Variants in DNAH14 observed in about 807,000 individuals in gnomAD.
DNAH14 encodes dynein axonemal heavy chain 14.
DNAH14 carries 478 observed loss-of-function variants against 520.9 expected under a neutral mutation model. That is an observed-to-expected ratio of 0.92 (90% CI 0.85 to 0.99). The LOEUF is 0.99. Ranked by LOEUF, DNAH14 falls within the 50% of genes least tolerant of loss-of-function variation. The probability of loss-of-function intolerance (pLI) is 0.00; values close to 1 mark genes in which losing one functional copy is unlikely to be tolerated. For synonymous variants in DNAH14, 1,581 were observed against 1,757.2 expected (o/e 0.90, Z 2.51); for missense variants, 4,831 against 5,234.5 (o/e 0.92, Z 2.38).
At chr1:225,374,602 T>G in intron 77 of DNAH14, 86 bp from the exon 78 acceptor site, 1 of 1,179,260 alleles carries the variant, frequency 8.5e-7, no homozygotes, top group Non-Finnish European at 1.2e-6. Context: ...ATGTAGCTGT[T>G]TGAGAGTTGA....
At chr1:225,341,501 T>C (rs994007257) in intron 69 of DNAH14, among the ~76,000 whole-genome samples, 4 of 152,108 alleles carry the variant, frequency 2.6e-5, no homozygotes, top group Admixed American at 1.3e-4. Flanking sequence ...ACCCCGTCTC[T>C]ACTAAAAATA....
chr1:225,138,819 C>G (rs1409743079), intron 27 of DNAH14, among the ~76,000 whole-genome samples: 1 of 152,162 alleles, frequency 6.6e-6, no homozygotes, highest in Admixed American at 6.5e-5. Flanking sequence ...TCTCCTCACT[C>G]TCCTTGAATC....
intron 11 of DNAH14, among the ~76,000 whole-genome samples, chr1:225,027,886 T>C (rs905572458): frequency 5.3e-5 from 8 of 152,140 alleles, no homozygotes. Context: ...TTCTGTCTGT[T>C]GAGATGACCG....
Position 225,304,910 on chromosome 1 carries a change from C to T in DNAH14, c.8826C>T (p.Asn2942=), listed in dbSNP as rs767439163. ...TCTTAAAAATTATTATTCTTCAGAA[C>T]TTGAAAGAAAAACTTGCCCCAACAT... The part of the protein sequence containing the change: ...KEKVNFENRE[N]LKEKLAPTCV... The change falls in exon 58 of 86, where the codon AAC becomes AAT. Residue 2942 remains asparagine, a splice_region_variant and synonymous_variant. Transcript: ENST00000682510. 2 of 1,509,140 alleles carry T rather than the reference C, an allele frequency of 1.3e-6. No individual in the cohort carries two copies. Among genetic ancestry groups the T allele is most frequent in the Non-Finnish European group, 8.8e-7 (1 of 1,135,860 alleles). 93.5% of individuals were successfully genotyped at this position (1,509,140 alleles called of 1,614,324 possible). A position where few individuals can be genotyped will look rare whatever the true frequency, so the allele number is the denominator to read the frequency against.
intron 37 of DNAH14, among the ~76,000 whole-genome samples, chr1:225,191,879 A>G (rs560319587): frequency 5.5e-4 from 84 of 152,038 alleles, no homozygotes; most frequent in Admixed American, 9.9e-4. Context: ...TTTCAGCTCT[A>G]TAAACTCTAT....
intron 66 of DNAH14, among the ~76,000 whole-genome samples, chr1:225,335,939 A>G (rs1254618082): frequency 2.5e-5 from 3 of 122,046 alleles, no homozygotes; most frequent in Non-Finnish European, 5.7e-5. Flanking sequence ...ACCTATATAT[A>G]CATATATGTA....
intron 58 of DNAH14, among the ~76,000 whole-genome samples, chr1:225,305,831 C>G (rs925426957): frequency 6.6e-6 from 1 of 152,204 alleles, no homozygotes; most frequent in African/African-American, 2.4e-5. Flanking sequence ...TTAAAAATAG[C>G]CCACTCCATC....
chr1:225,364,830 G>T lies in DNAH14; in HGVS notation c.12026G>T (p.Arg4009Leu), dbSNP rs995324087. ...AACGTGACAATAGACCCTGAGTTTC[G>T]GCTATGGTTAAGCTCAAAATCATAC... ...SPNVTIDPEFRLWLSSKSYSS... is the reference protein window; with the variant it reads ...SPNVTIDPEFLLWLSSKSYSS... The change falls in exon 76 of 86, where the codon CGG becomes CTG. Residue 4009 changes from arginine to leucine, a missense_variant. Coordinates refer to ENST00000682510, the MANE Select transcript of DNAH14 (RefSeq NM_001367479.1). The T allele has an allele frequency of 1.3e-6, 2 of 1,548,086 alleles. No homozygotes were observed. Among genetic ancestry groups the T allele is most frequent in the Admixed American group, 2.0e-5 (1 of 50,812 alleles).
intron 71 of DNAH14, among the ~76,000 whole-genome samples, chr1:225,347,678 A>G (rs1173087671): frequency 6.6e-6 from 1 of 152,204 alleles, no homozygotes; most frequent in Non-Finnish European, 1.5e-5. Context: ...AGAAAAGGTT[A>G]AAAAGGTCTT....
In DNAH14 at chr1:225,335,445, ATG is replaced by A. The variant is rs1558429479; in HGVS notation, c.10081-1820_10081-1819del. On this transcript the variant is annotated intron_variant, in intron 66 of 85. Coordinates refer to ENST00000682510, the MANE Select transcript of DNAH14 (RefSeq NM_001367479.1). ...TATGCACGTGTGTACATGTGTGTGT[ATG>A]CACATATGCACGTGTGTACATGTGT... Among the ~76,000 whole-genome samples the A allele has an allele frequency of 2.5e-4, 27 of 108,184 alleles. 1 individual carries two copies. The highest frequency in any genetic ancestry group is 7.9e-4 in the African/African-American group (22 of 28,000). 71.0% of individuals were successfully genotyped at this position (108,184 alleles called of 152,430 possible).
At position 225,100,742 on chromosome 1, in the gene DNAH14, C is replaced by G; in HGVS notation, c.3725C>G (p.Ser1242Cys). Residue 1242 changes from serine (S) to cysteine (C), a missense_variant, in exon 23 of 86, where the codon TCT becomes TGT. By Grantham distance (112) the Ser-to-Cys change is moderately radical. Transcript: ENST00000682510. Reference sequence around the variant, plus strand: ...CTCCCAGCAGAAACAGAACTTTTCTCTCAAGTGATTTCCATGTGGAAAAAA... The same window carrying G: ...CTCCCAGCAGAAACAGAACTTTTCTGTCAAGTGATTTCCATGTGGAAAAAA... ...RQLPAETELF[S>C]QVISMWKKIM... The G allele has an allele frequency of 6.6e-7, 1 of 1,520,284 alleles. No individual in the cohort carries two copies. Among genetic ancestry groups the G allele is most frequent in the Non-Finnish European group, 8.8e-7 (1 of 1,137,642 alleles). The allele number at this position is 1,520,284 out of a possible 1,614,324, so 94.2% of individuals were successfully genotyped here.
intron 10 of DNAH14, among the ~76,000 whole-genome samples, chr1:225,023,151 C>A (rs1441169206): frequency 6.6e-6 from 1 of 152,020 alleles, no homozygotes; most frequent in East Asian, 1.9e-4. Flanking sequence ...ATGCTCACTA[C>A]CCATGTGATG....
intron 1 of DNAH14, among the ~76,000 whole-genome samples, chr1:224,935,386 A>G (rs1340003124): frequency 6.6e-6 from 1 of 151,896 alleles, no homozygotes; most frequent in Non-Finnish European, 1.5e-5. Context: ...GTAAAGGGAT[A>G]GAAAAAGATA....
chr1:225,331,696 G>T (rs1042681903), intron 65 of DNAH14, 119 bp downstream of exon 65: 5 of 1,337,910 alleles, frequency 3.7e-6, no homozygotes, highest in African/African-American at 3.0e-5. Context: ...TAACTATCCA[G>T]TTTCTTATTG....
intron 41 of DNAH14, among the ~76,000 whole-genome samples, chr1:225,218,467 C>T (rs2089668705): frequency 6.7e-6 from 1 of 148,806 alleles, no homozygotes; most frequent in African/African-American, 2.5e-5. Flanking sequence ...AGAAGATCTA[C>T]CAAGCAAATG....
chr1:225,038,776 A>T lies in DNAH14; in HGVS notation c.1441A>T (p.Ile481Phe). The change falls in exon 12 of 86, where the codon ATT (isoleucine) becomes TTT (phenylalanine). Residue 481 changes from isoleucine (I) to phenylalanine (F), a missense_variant. Physicochemically the swap from Ile to Phe is conservative, Grantham distance 21. Transcript: ENST00000682510. ...ELVDNSKLHA[I>F]SVQKSEVKTD... ...TGTTGATAATTCAAAGTTACATGCT[A>T]TTTCTGTTCAAAAGTCAGAAGTAAA... The T allele has an allele frequency of 1.3e-6, 2 of 1,525,588 alleles. No homozygotes were observed. Among genetic ancestry groups the T allele is most frequent in the South Asian group, 1.3e-5 (1 of 77,948 alleles). 94.5% of individuals were successfully genotyped at this position (1,525,588 alleles called of 1,614,324 possible).
At position 224,952,805 on chromosome 1, in the gene DNAH14, GT is replaced by G; in HGVS notation, c.77+33del. On this transcript the variant is annotated intron_variant, in intron 2 of 85. Coordinates refer to ENST00000682510, the MANE Select transcript of DNAH14 (RefSeq NM_001367479.1). The stretch of plus-strand genomic sequence containing the variant: ...GTAAAAGTAAGATAAAATATAATGA[GT>G]TTTTTTCTAAAGTAAGATTTCAGCA... 2.6e-6 allele frequency: 4 copies of G among 1,528,170 alleles called. No individual in the cohort carries two copies. The South Asian group carries it at 3.7e-5, about 14-fold the overall frequency. 94.7% of individuals were successfully genotyped at this position (1,528,170 alleles called of 1,614,324 possible). A position where few individuals can be genotyped will look rare whatever the true frequency, so the allele number is the denominator to read the frequency against.
intron 8 of DNAH14, among the ~76,000 whole-genome samples, chr1:224,998,608 T>A (rs999107425): frequency 3.3e-5 from 5 of 152,160 alleles, no homozygotes; most frequent in Admixed American, 1.3e-4. Flanking sequence ...TTCATTGTGG[T>A]GAGAAATTGG....
At chr1:224,967,734 GT>G in intron 6 of DNAH14, 151 bp downstream of exon 6, 1 of 1,550,088 alleles carries the variant, frequency 6.5e-7, no homozygotes, top group Non-Finnish European at 8.7e-7. Context: ...TTGGGAGCAT[GT>G]TATTTAATAG....
Sources: allele counts gnomAD v4.1 joint callset (sites outside exome capture counted in the v4.1 genomes callset), GRCh38; gene constraint gnomAD v4.1.1; transcripts MANE v1.5; gene names NCBI Gene and HGNC (gene_info 2026-07-23, HGNC 2026-07-21).